The following TRAPPC9 variants were observed in gnomAD, a reference collection of about 807,000 sequenced individuals.
TRAPPC9 encodes the protein IKK2 binding protein.
A neutral mutation model predicts 124.0 loss-of-function variants in TRAPPC9; 83 were observed. The observed-to-expected ratio is 0.67, with a 90% CI of 0.56 to 0.80. The LOEUF is 0.80. Among genes scored for constraint, TRAPPC9 ranks in the 30% least tolerant of loss-of-function variants. TRAPPC9 has a pLI of 0.00. For missense variants in TRAPPC9, 1,302 were observed against 1,508.3 expected, an observed-to-expected ratio of 0.86 and a Z score of 2.27; for synonymous variants, 638 against 617.5, an observed-to-expected ratio of 1.03 and a Z score of -0.49.
At chr8:139,935,273 T>C (rs1833440716) in intron 19 of TRAPPC9, among the ~76,000 whole-genome samples, 6 of 152,164 alleles carry the variant, frequency 3.9e-5, no homozygotes, top group Admixed American at 3.9e-4. Flanking sequence ...TTCTAAAAAA[T>C]TACACGTGCT....
At chr8:140,449,596 C>T (rs1334649624) in intron 2 of TRAPPC9, among the ~76,000 whole-genome samples, 2 of 152,344 alleles carry the variant, frequency 1.3e-5, no homozygotes, top group African/African-American at 4.8e-5. Context: ...TCCTTGTACA[C>T]AGAGAGAACA....
intron 17 of TRAPPC9, among the ~76,000 whole-genome samples, chr8:140,143,038 T>G (rs1378876680): frequency 6.6e-6 from 1 of 152,158 alleles, no homozygotes; most frequent in African/African-American, 2.4e-5. Flanking sequence ...AAGCAGCTGT[T>G]AGTGGAGTGA....
At chr8:139,910,411 T>C (rs1831650570) in intron 19 of TRAPPC9, 111 bp from the exon 20 acceptor site, 1 of 1,108,336 alleles carries the variant, frequency 9.0e-7, no homozygotes, top group Non-Finnish European at 1.4e-6. Context: ...TCATTATCGT[T>C]AGTAATTCAT....
intron 9 of TRAPPC9, among the ~76,000 whole-genome samples, chr8:140,347,409 G>A (rs2067382601): frequency 6.6e-6 from 1 of 152,202 alleles, no homozygotes. Context: ...CATATGTATG[G>A]ACATGTGCAC....
At chr8:140,440,615 C>T (rs2070979209) in intron 2 of TRAPPC9, among the ~76,000 whole-genome samples, 1 of 152,172 alleles carries the variant, frequency 6.6e-6, no homozygotes, top group East Asian at 1.9e-4. Flanking sequence ...CCCCCTTCCC[C>T]TTCATTGCTT....
At chr8:140,236,985 A>G (rs529794670) in intron 16 of TRAPPC9, among the ~76,000 whole-genome samples, 1 of 152,174 alleles carries the variant, frequency 6.6e-6, no homozygotes, top group Non-Finnish European at 1.5e-5. Flanking sequence ...GTTTGAGACC[A>G]GCCTGGCCAA....
upstream of TRAPPC9, chr8:140,458,195 A>C (rs1439197536): frequency 6.5e-7 from 1 of 1,549,468 alleles, no homozygotes; most frequent in Non-Finnish European, 8.7e-7. Flanking sequence ...GAGGGACCGG[A>C]GCAAGAGAAC....
chr8:140,118,598 C>T (rs1024166475), intron 17 of TRAPPC9, among the ~76,000 whole-genome samples: 44 of 152,318 alleles, frequency 2.9e-4, no homozygotes, highest in African/African-American at 1.0e-3. Context: ...GAGAAGGACA[C>T]GTAATAGAAG....
chr8:140,292,398 G>A (rs1008805343), intron 11 of TRAPPC9, among the ~76,000 whole-genome samples: 2 of 152,192 alleles, frequency 1.3e-5, no homozygotes, highest in Non-Finnish European at 2.9e-5. Context: ...GAACTCAGAG[G>A]CACCCCGAGC....
Position 140,252,889 on chromosome 8 carries a change from T to G in TRAPPC9, c.2319A>C (p.Glu773Asp). Residue 773 changes from glutamate to aspartate, a missense_variant, in exon 16 of 23, where the codon GAA (glutamate) becomes GAC (aspartate). This residue lies in a region of TRAPPC9 where 640 missense variants were observed against 679.3 expected (regional missense o/e 0.94). Coordinates refer to ENST00000438773, the MANE Select transcript of TRAPPC9 (RefSeq NM_001160372.4). This position sits in a 1 kb window ranked among gnomAD's most constrained non-coding sequence, Gnocchi z 4.2. The part of the protein sequence containing the change: ...YGDFLSWKLE[E>D]TLAQFPLQPG... ...GCTGCAAAGGGAACTGGGCAAGGGT[T>G]TCCTCTAGCTTCCAGCTCAAGAAGT... is the stretch of plus-strand genomic sequence containing the variant. 2 of 1,614,110 alleles carry G rather than the reference T, an allele frequency of 1.2e-6. No homozygotes were observed. Among genetic ancestry groups the G allele is most frequent in the Non-Finnish European group, 1.7e-6 (2 of 1,180,030 alleles).
At position 139,781,882 on chromosome 8, in the gene TRAPPC9, T is replaced by C. The variant is rs574399190; in HGVS notation, c.3056-49680A>G. Among the ~76,000 whole-genome samples, 18 of 151,884 alleles carry C rather than the reference T, an allele frequency of 1.2e-4. No individual in the cohort carries two copies. The South Asian group carries it at 1.5e-3, about 12-fold the overall frequency. ...AAAACAAGTCAGGAAAAGAGAAAAA[T>C]AGAACAAAGAACAGTTGGGGAAGGC... On this transcript the variant is annotated intron_variant, in intron 21 of 22. Coordinates refer to ENST00000438773, the MANE Select transcript of TRAPPC9 (RefSeq NM_001160372.4).
chr8:139,748,888 T>A (rs1476043507), intron 21 of TRAPPC9, among the ~76,000 whole-genome samples: 1 of 152,012 alleles, frequency 6.6e-6, no homozygotes, highest in Non-Finnish European at 1.5e-5. Flanking sequence ...CTGTATGGGG[T>A]CTCCACCAGG....
At chr8:139,939,360 T>C (rs7002573) in intron 19 of TRAPPC9, among the ~76,000 whole-genome samples, 28,920 of 152,086 alleles carry the variant, frequency 0.19, 2,795 homozygotes, top group South Asian at 0.24. Context: ...TGCCAGCACC[T>C]GAGAGGGGGC....
intron 17 of TRAPPC9, among the ~76,000 whole-genome samples, chr8:140,075,204 G>T (rs1218717334): frequency 1.3e-5 from 2 of 152,140 alleles, no homozygotes; most frequent in African/African-American, 4.8e-5. Flanking sequence ...CTTATAAAAT[G>T]GAGTTACCGA....
intron 21 of TRAPPC9, among the ~76,000 whole-genome samples, chr8:139,794,588 C>G (rs968943592): frequency 3.3e-5 from 5 of 152,160 alleles, no homozygotes; most frequent in Non-Finnish European, 7.4e-5. Context: ...AGGTGTGAAC[C>G]CTGCCCAGCA....
intron 19 of TRAPPC9, chr8:139,932,470 T>A: frequency 2.2e-6 from 1 of 457,596 alleles, no homozygotes; most frequent in South Asian, 1.5e-5. Context: ...GGGGTAGAAA[T>A]GTCATGTAGA....
At chr8:139,852,991 G>A (rs112052484) in intron 21 of TRAPPC9, among the ~76,000 whole-genome samples, 101 of 152,314 alleles carry the variant, frequency 6.6e-4, no homozygotes, top group African/African-American at 2.2e-3. Context: ...CAAGCCATAC[G>A]CTGCTGTTCG....
At chr8:139,846,995 T>A (rs530499498) in intron 21 of TRAPPC9, among the ~76,000 whole-genome samples, 152 of 152,364 alleles carry the variant, frequency 1.0e-3, no homozygotes, top group African/African-American at 3.6e-3. Flanking sequence ...CAATCATGCA[T>A]TCAGTGATGA....
intron 21 of TRAPPC9, among the ~76,000 whole-genome samples, chr8:139,842,393 C>T (rs529006602): frequency 3.3e-5 from 5 of 152,210 alleles, no homozygotes; most frequent in Admixed American, 6.5e-5. Flanking sequence ...GGCCTCCGCA[C>T]TCCACATTCA....
Sources: allele counts gnomAD v4.1 joint callset (sites outside exome capture counted in the v4.1 genomes callset), GRCh38; gene constraint gnomAD v4.1.1; regional missense constraint gnomAD v4.1.1; non-coding constraint Gnocchi (gnomAD v3.1); transcripts MANE v1.5; gene names NCBI Gene and HGNC (gene_info 2026-07-23, HGNC 2026-07-21).